Variants in SCRIB observed in about 807,000 individuals in gnomAD.
SCRIB encodes protein scribble homolog.
Under a neutral mutation model 170.0 loss-of-function variants are expected in SCRIB, and 72 were observed. That is an observed-to-expected ratio of 0.42 (90% CI 0.35 to 0.52). The LOEUF (loss-of-function observed/expected upper bound fraction) is 0.52, where lower values mean the gene tolerates loss of function less well. Ranked by LOEUF, SCRIB falls within the 20% of genes least tolerant of loss-of-function variation. The pLI, the probability that SCRIB is intolerant of heterozygous loss-of-function variation, is 0.02. For missense variants in SCRIB, 2,475 were observed against 2,338.5 expected (o/e 1.06, Z -1.20); for synonymous variants, 1,298 against 1,044.3 (o/e 1.24, Z -4.68).
At chr8:143,810,235 C>T (rs1332172894) in intron 13 of SCRIB, among the ~76,000 whole-genome samples, 7 of 152,188 alleles carry the variant, frequency 4.6e-5, no homozygotes, top group African/African-American at 1.2e-4. Flanking sequence ...CTCCCAGGCA[C>T]ACCCACCACT....
intron 28 of SCRIB, chr8:143,793,422 G>A: frequency 3.2e-6 from 1 of 312,152 alleles, no homozygotes; most frequent in Non-Finnish European, 5.9e-6. Flanking sequence ...TAGAGAGGGG[G>A]GTGGGAGAGA....
At chr8:143,811,810 A>G (rs1481887673) in intron 9 of SCRIB, among the ~76,000 whole-genome samples, 1 of 152,044 alleles carries the variant, frequency 6.6e-6, no homozygotes, top group Non-Finnish European at 1.5e-5. Context: ...ACTCCCATGA[A>G]CACCCTCCCC....
In SCRIB at chr8:143,806,957, G is replaced by A; in HGVS notation, c.2235C>T (p.Gly745=). ...TGGLGISIAG[G]KGSTPYKGDD... is the part of the protein sequence containing the mutation. Reference sequence around the variant, plus strand: ...CCCCCTTATAGGGTGTGGAGCCCTTGCCGCCCGCAATGCTGATGCCCAGGC... The same window carrying A: ...CCCCCTTATAGGGTGTGGAGCCCTTACCGCCCGCAATGCTGATGCCCAGGC... The change falls in exon 17 of 37, where the codon GGC becomes GGT. Residue 745 remains glycine (G), a synonymous_variant. Coordinates refer to ENST00000356994, the MANE Select transcript of SCRIB (RefSeq NM_182706.5). 1 of 1,613,368 alleles carries A rather than the reference G, an allele frequency of 6.2e-7. No individual in the cohort carries two copies. The highest frequency in any genetic ancestry group is 8.5e-7 in the Non-Finnish European group (1 of 1,179,752).
At position 143,791,880 on chromosome 8, in the gene SCRIB, C is replaced by T. The variant is rs782557718; in HGVS notation, c.4691G>A (p.Arg1564His). 7.9e-6 allele frequency: 12 copies of T among 1,521,050 alleles called. No individual in the cohort carries two copies. The highest frequency in any genetic ancestry group is 2.8e-5 in the African/African-American group (2 of 70,678). The allele number at this position is 1,521,050 out of a possible 1,614,324, so 94.2% of individuals were successfully genotyped here. A position where few individuals can be genotyped will look rare whatever the true frequency, so the allele number is the denominator to read the frequency against. ...GCATAGCCACCGGCTCCTCACCAGGCGTCCCGGGGAGGTGCTGGTCTGGGG... is the reference window on the plus strand; with the variant it reads ...GCATAGCCACCGGCTCCTCACCAGGTGTCCCGGGGAGGTGCTGGTCTGGGG... ...LGPQTSTSPG[R>H]LPLSGKKFDY... is the part of the protein sequence containing the mutation. Residue 1564 changes from arginine to histidine, a missense_variant, in exon 34 of 37, where the codon CGC (arginine) becomes CAC (histidine). Physicochemically the swap from Arg to His is conservative, Grantham distance 29. This residue lies in a region of SCRIB where 1,966 missense variants were observed against 1,742.9 expected (regional missense o/e 1.13). Transcript: ENST00000356994.
At chr8:143,791,832 C>T (rs781977515) in intron 34 of SCRIB, 44 bp downstream of exon 34, 1 of 1,526,926 alleles carries the variant, frequency 6.5e-7, no homozygotes, top group Non-Finnish European at 8.9e-7. Flanking sequence ...ACCCCACCCC[C>T]ATGCCTCGGG....
At chr8:143,814,363 G>A (rs548384611) in intron 1 of SCRIB, among the ~76,000 whole-genome samples, 261 of 151,786 alleles carry the variant, frequency 1.7e-3, no homozygotes, top group Non-Finnish European at 3.0e-3. Flanking sequence ...GAAGACACCT[G>A]CTGGCGACCA....
At chr8:143,809,824 C>T (rs1052364607) in intron 13 of SCRIB, 106 bp from the exon 14 acceptor site, 12 of 1,309,130 alleles carry the variant, frequency 9.2e-6, no homozygotes, top group Middle Eastern at 2.2e-4. Flanking sequence ...CCCGCTGCCC[C>T]GACCAGGCAC....
chr8:143,803,359 G>C (rs781807896), intron 24 of SCRIB, 24 bp downstream of exon 24: 3 of 1,532,510 alleles, frequency 2.0e-6, no homozygotes, highest in Admixed American at 1.9e-5. Flanking sequence ...AGGGAGGCCC[G>C]GTCCCCGGGG....
Position 143,792,614 on chromosome 8 carries a change from C to G in SCRIB, c.4199G>C (p.Arg1400Thr). 6.3e-7 allele frequency: 1 copy of G among 1,594,088 alleles called. No homozygotes were observed. The highest frequency in any genetic ancestry group is 8.5e-7 in the Non-Finnish European group (1 of 1,177,454). Residue 1400 changes from arginine to threonine, a missense_variant, in exon 31 of 37, where the codon AGA (arginine) becomes ACA (threonine). Coordinates refer to ENST00000356994, the MANE Select transcript of SCRIB (RefSeq NM_182706.5). ...EEEARKLQQK[R>T]AQMLREAAEA... ...TGCCGCCTCCCGCAGCATCTGCGCT[C>G]TCTTCTGCTGTAGTTTTCTGGCTGC...
Position 143,815,695 on chromosome 8 carries a change from A to G in SCRIB, c.-323T>C, listed in dbSNP as rs1816066654. The G allele has an allele frequency of 2.0e-6, 2 of 982,746 alleles. No individual in the cohort carries two copies. Among genetic ancestry groups the G allele is most frequent in the African/African-American group, 3.5e-5 (2 of 56,734 alleles). The allele number at this position is 982,746 out of a possible 1,614,324, so 60.9% of individuals were successfully genotyped here. A position where few individuals can be genotyped will look rare whatever the true frequency, so the allele number is the denominator to read the frequency against. The stretch of plus-strand genomic sequence containing the variant: ...CCCGCTCGTCCGCCCGCTGTGCCGC[A>G]CCGGAACCGCCGCTGCCCGCCGGAC... On this transcript the variant is annotated 5_prime_UTR_variant, in exon 1 of 37. Coordinates refer to ENST00000356994, the MANE Select transcript of SCRIB (RefSeq NM_182706.5).
At chr8:143,794,049 A>G in intron 27 of SCRIB, 87 bp from the exon 28 acceptor site, 1 of 1,294,730 alleles carries the variant, frequency 7.7e-7, no homozygotes, top group Non-Finnish European at 1.1e-6. Flanking sequence ...GGCTTGCCTA[A>G]AAGCCACAGC....
At chr8:143,810,872 A>C in intron 11 of SCRIB, 34 bp downstream of exon 11, 1 of 1,608,846 alleles carries the variant, frequency 6.2e-7, no homozygotes, top group Non-Finnish European at 8.5e-7. Flanking sequence ...CCTGAGAGCC[A>C]CCCCGCGCTA....
intron 18 of SCRIB, among the ~76,000 whole-genome samples, chr8:143,805,953 C>T (rs1010173452): frequency 1.3e-5 from 2 of 152,182 alleles, no homozygotes; most frequent in Non-Finnish European, 2.9e-5. Context: ...CATGCCTCTT[C>T]AGAGCCCCCG....
Position 143,809,591 on chromosome 8 carries a change from G to A in SCRIB, c.1658C>T (p.Thr553Ile), listed in dbSNP as rs1441982288. 1 of 1,611,676 alleles carries A rather than the reference G, an allele frequency of 6.2e-7. No individual in the cohort carries two copies. Among genetic ancestry groups the A allele is most frequent in the South Asian group, 1.1e-5 (1 of 91,066 alleles). Residue 553 changes from threonine (T) to isoleucine (I), a missense_variant, in exon 14 of 37, where the codon ACT becomes ATT. Around this residue, in one of 3 missense-constraint regions of SCRIB, gnomAD observed 1,966 missense variants for 1,742.9 expected, o/e 1.13. Transcript: ENST00000356994. The stretch of plus-strand genomic sequence containing the variant: ...TTCGGCGTCTTCCTCCCCGCCAGCA[G>A]TCGTGGCTTCCTGCTGGCTCCCACC... ...AQGGSQQEAT[T>I]AGGEEDAEED...
At chr8:143,806,309 G>C (rs1228645673) in intron 18 of SCRIB, 98 bp downstream of exon 18, 5 of 935,808 alleles carry the variant, frequency 5.3e-6, no homozygotes, top group Non-Finnish European at 8.4e-6. Flanking sequence ...GGAACTCTTG[G>C]GGAGGCCGGG....
rs1342730373 is a variant in SCRIB at position 143,812,669 on chromosome 8, C to T, written c.787+148G>A. ...AGCCTTCTGGGCTGCCCCAGGGTCC[C>T]ACCTCCCCTCCCCAGGGACAGCTCC... is the stretch of plus-strand genomic sequence containing the variant. On this transcript the variant is annotated intron_variant, in intron 8 of 36. Transcript: ENST00000356994. 3.6e-6 allele frequency: 4 copies of T among 1,122,096 alleles called. No individual in the cohort carries two copies. The Admixed American group carries it at 9.5e-5, about 27-fold the overall frequency. The allele number at this position is 1,122,096 out of a possible 1,614,324, so 69.5% of individuals were successfully genotyped here. A position where few individuals can be genotyped will look rare whatever the true frequency, so the allele number is the denominator to read the frequency against.
At chr8:143,814,353 G>A (rs552412088) in intron 1 of SCRIB, among the ~76,000 whole-genome samples, 3 of 151,890 alleles carry the variant, frequency 2.0e-5, no homozygotes, top group Admixed American at 1.3e-4. Context: ...TCCACTCTGA[G>A]AAGACACCTG....
intron 34 of SCRIB, 62 bp from the exon 35 acceptor site, chr8:143,791,802 C>CGGGGGT: frequency 2.7e-6 from 2 of 733,962 alleles, no homozygotes; most frequent in Non-Finnish European, 4.0e-6. Context: ...ATGAGGGCCA[C>CGGGGGT]GGGGGTGGGG....
intron 16 of SCRIB, among the ~76,000 whole-genome samples, chr8:143,807,297 G>A (rs1234249103): frequency 6.6e-6 from 1 of 152,226 alleles, no homozygotes; most frequent in African/African-American, 2.4e-5. Context: ...TGAGGACTGC[G>A]CTGCCTCCGC....
Sources: gnomAD v4.1 joint callset for allele counts (sites outside exome capture counted in the v4.1 genomes callset) on GRCh38, gnomAD v4.1.1 for gene constraint, gnomAD v4.1.1 regional missense constraint, MANE v1.5 for transcripts, NCBI Gene and HGNC (gene_info 2026-07-23, HGNC 2026-07-21) for gene names.